MAGEA3: variants seen among roughly 807,000 people sequenced by gnomAD.
MAGEA3 encodes the protein melanoma-associated antigen 3.
For missense variants in MAGEA3, 207 were observed against 239.1 expected (o/e 0.87, Z 0.89); for synonymous variants, 110 against 102.2 (o/e 1.08, Z -0.46).
In MAGEA3 at chrX:152,701,193, C is replaced by T. The variant is rs2124945376; in HGVS notation, c.361C>T (p.Leu121Phe). Residue 121 changes from leucine (L) to phenylalanine (F), a missense_variant, in exon 3 of 3, where the codon CTC becomes TTC. Coordinates refer to ENST00000370278, the MANE Select transcript of MAGEA3 (RefSeq NM_005362.4). The stretch of plus-strand genomic sequence containing the variant: ...GGTGGCCGAGTTGGTTCATTTTCTG[C>T]TCCTCAAGTATCGAGCCAGGGAGCC... ...RKVAELVHFL[L>F]LKYRAREPVT... 1 of 1,209,861 alleles carries T rather than the reference C, an allele frequency of 8.3e-7. No homozygotes were observed. The highest frequency in any genetic ancestry group is 1.1e-6 in the Non-Finnish European group (1 of 894,137).
In MAGEA3 at chrX:152,701,762, A is replaced by G. The variant is rs2124948204; in HGVS notation, c.930A>G (p.Arg310=). ...CACCCCTGCATGAGTGGGTTTTGAG[A>G]GAGGGGGAAGAGTGAGTCTGAGCAC... is the stretch of plus-strand genomic sequence containing the variant. ...SYPPLHEWVL[R]EGEE is the part of the protein sequence containing the mutation. Residue 310 remains arginine (R), a synonymous_variant, in exon 3 of 3, where the codon AGA becomes AGG. Transcript: ENST00000370278. 3 of 1,207,173 alleles carry G rather than the reference A, an allele frequency of 2.5e-6. No homozygotes were observed. Among genetic ancestry groups the G allele is most frequent in the Admixed American group, 4.4e-5 (2 of 45,858 alleles).
Position 152,701,287 on chromosome X carries a change from G to T in MAGEA3, c.455G>T (p.Ser152Ile), listed in dbSNP as rs7056365. 432 of 1,196,623 alleles carry T rather than the reference G, an allele frequency of 3.6e-4. 4 individuals are homozygous for T. In the African/African-American group the frequency reaches 4.7e-3, roughly 13 times the overall value. The change falls in exon 3 of 3, where the codon AGC becomes ATC. Residue 152 changes from serine (S) to isoleucine (I), a missense_variant. Ser to Ile is a moderately radical substitution (Grantham distance 142, BLOSUM62 -2). Transcript: ENST00000370278. Reference protein sequence around the residue: ...NWQYFFPVIFSKASSSLQLVF... With the variant: ...NWQYFFPVIFIKASSSLQLVF... ...CAGTATTTCTTTCCTGTGATCTTCA[G>T]CAAAGCTTCCAGTTCCTTGCAGCTG...
At chrX:152,700,593 C>G (rs2124943309) in intron 1 of MAGEA3, 29 bp from the exon 2 acceptor site, 2 of 617,156 alleles carry the variant, frequency 3.2e-6, no homozygotes, top group African/African-American at 2.4e-5. Flanking sequence ...CGGATGTACC[C>G]TGAGGTGCCC....
rs1406709426 is a variant in MAGEA3, at chrX:152,700,664, G to C, written c.-89G>C. 1.5e-5 allele frequency: 12 copies of C among 811,680 alleles called. No individual in the cohort carries two copies. The East Asian group carries it at 3.7e-4, about 25-fold the overall frequency. The allele number at this position is 811,680 out of a possible 1,213,427, so 66.9% of individuals were successfully genotyped here. On this transcript the variant is annotated 5_prime_UTR_variant, in exon 2 of 3. Coordinates refer to ENST00000370278, the MANE Select transcript of MAGEA3 (RefSeq NM_005362.4). The stretch of plus-strand genomic sequence containing the variant: ...TGACCTGGAGGACCAGAGGCCCCCG[G>C]AGGAGCACTGAAGGAGAAGATCTGT...
chrX:152,701,085 G>A lies in MAGEA3; in HGVS notation c.253G>A (p.Glu85Lys). 4 of 1,206,815 alleles carry A rather than the reference G, an allele frequency of 3.3e-6. No homozygotes were observed. The highest frequency in any genetic ancestry group is 4.5e-6 in the Non-Finnish European group (4 of 893,439). ...MNYPLWSQSY[E>K]DSSNQEEEGP... Reference sequence around the variant, plus strand: ...CTACCCTCTCTGGAGCCAATCCTATGAGGACTCCAGCAACCAAGAAGAGGA... The same window carrying A: ...CTACCCTCTCTGGAGCCAATCCTATAAGGACTCCAGCAACCAAGAAGAGGA... The change falls in exon 3 of 3, where the codon GAG becomes AAG. Residue 85 changes from glutamate to lysine, a missense_variant. Transcript: ENST00000370278.
chrX:152,701,065 C>G lies in MAGEA3; in HGVS notation c.233C>G (p.Pro78Arg), dbSNP rs1221634514. 1 of 1,199,811 alleles carries G rather than the reference C, an allele frequency of 8.3e-7. No individual in the cohort carries two copies. Among genetic ancestry groups the G allele is most frequent in the Non-Finnish European group, 1.1e-6 (1 of 891,452 alleles). The change falls in exon 3 of 3, where the codon CCT becomes CGT. Residue 78 changes from proline (P) to arginine (R), a missense_variant. Transcript: ENST00000370278. Reference protein sequence around the residue: ...ASSLPTTMNYPLWSQSYEDSS... With the variant: ...ASSLPTTMNYRLWSQSYEDSS... The stretch of plus-strand genomic sequence containing the variant: ...AGCCTCCCCACTACCATGAACTACC[C>G]TCTCTGGAGCCAATCCTATGAGGAC...
chrX:152,701,922 A>G lies in MAGEA3; in HGVS notation c.*145A>G. On this transcript the variant is annotated 3_prime_UTR_variant, in exon 3 of 3. Coordinates refer to ENST00000370278, the MANE Select transcript of MAGEA3 (RefSeq NM_005362.4). ...GAAGCGAGCAGTCAGCATTCTTAGTAGTGGGTTTCTGTTCTGTTGGATGAC... is the reference window on the plus strand; with the variant it reads ...GAAGCGAGCAGTCAGCATTCTTAGTGGTGGGTTTCTGTTCTGTTGGATGAC... 1.7e-6 allele frequency: 1 copy of G among 591,389 alleles called. No homozygotes were observed. Among genetic ancestry groups the G allele is most frequent in the Non-Finnish European group, 2.7e-6 (1 of 368,585 alleles). The allele number at this position is 591,389 out of a possible 1,213,427, so 48.7% of individuals were successfully genotyped here. A position where few individuals can be genotyped will look rare whatever the true frequency, so the allele number is the denominator to read the frequency against.
In MAGEA3 at chrX:152,700,640, G is replaced by T. The variant is rs1931708254; in HGVS notation, c.-113G>T. On this transcript the variant is annotated 5_prime_UTR_variant, in exon 2 of 3. Transcript: ENST00000370278. ...CCTTCAGGTTCTGAGGGGACAGGCT[G>T]ACCTGGAGGACCAGAGGCCCCCGGA... 2.2e-4 allele frequency: 173 copies of T among 794,739 alleles called. No individual in the cohort carries two copies. In the South Asian group the frequency reaches 3.3e-3, roughly 15 times the overall value. The allele number at this position is 794,739 out of a possible 1,213,427, so 65.5% of individuals were successfully genotyped here. A position where few individuals can be genotyped will look rare whatever the true frequency, so the allele number is the denominator to read the frequency against.
At chrX:152,700,522 C>T (rs1172601727) in intron 1 of MAGEA3, 100 bp from the exon 2 acceptor site, 2 of 451,175 alleles carry the variant, frequency 4.4e-6, no homozygotes, top group Non-Finnish European at 7.9e-6. Context: ...AACACATGGA[C>T]TCCAGAGCGC....
chrX:152,701,417 C>A lies in MAGEA3; in HGVS notation c.585C>A (p.Ile195=). ...ATGGCCTGCTGGGTGACAATCAGAT[C>A]ATGCCCAAGGCAGGCCTCCTGATAA... ...SYDGLLGDNQ[I]MPKAGLLIIV... is the part of the protein sequence containing the mutation. The change falls in exon 3 of 3, where the codon ATC becomes ATA. Residue 195 remains isoleucine (I), a synonymous_variant. Transcript: ENST00000370278. The A allele has an allele frequency of 8.3e-7, 1 of 1,210,389 alleles. No homozygotes were observed. The highest frequency in any genetic ancestry group is 1.1e-6 in the Non-Finnish European group (1 of 894,572).
Position 152,701,299 on chromosome X carries a change from G to C in MAGEA3, c.467G>C (p.Ser156Thr). ...CCTGTGATCTTCAGCAAAGCTTCCA[G>C]TTCCTTGCAGCTGGTCTTTGGCATC... The part of the protein sequence containing the change: ...FFPVIFSKAS[S>T]SLQLVFGIEL... The change falls in exon 3 of 3, where the codon AGT becomes ACT. Residue 156 changes from serine (S) to threonine (T), a missense_variant. Physicochemically the swap from Ser to Thr is moderately conservative, Grantham distance 58. Transcript: ENST00000370278. 8.3e-7 allele frequency: 1 copy of C among 1,209,066 alleles called. No individual in the cohort carries two copies.
At position 152,701,105 on chromosome X, in the gene MAGEA3, A is replaced by G. The variant is rs1166989401; in HGVS notation, c.273A>G (p.Glu91=). ...CCTATGAGGACTCCAGCAACCAAGA[A>G]GAGGAGGGGCCAAGCACCTTCCCTG... ...SQSYEDSSNQ[E]EEGPSTFPDL... Residue 91 remains glutamate (E), a synonymous_variant, in exon 3 of 3, where the codon GAA becomes GAG. Transcript: ENST00000370278. 4.2e-6 allele frequency: 5 copies of G among 1,204,522 alleles called. No individual in the cohort carries two copies. The highest frequency in any genetic ancestry group is 1.8e-5 in the African/African-American group (1 of 55,969).
At chrX:152,700,009 T>C (rs1931680824) in intron 1 of MAGEA3, among the ~76,000 whole-genome samples, 1 of 109,385 alleles carries the variant, frequency 9.1e-6, no homozygotes, top group Non-Finnish European at 1.9e-5. Flanking sequence ...CAGACCCTAC[T>C]AGGAGTGGAG....
At position 152,701,666 on chromosome X, in the gene MAGEA3, C is replaced by T. The variant is rs1556827091; in HGVS notation, c.834C>T (p.Leu278=). Residue 278 remains leucine (L), a synonymous_variant, in exon 3 of 3, where the codon CTC becomes CTT. Coordinates refer to ENST00000370278, the MANE Select transcript of MAGEA3 (RefSeq NM_005362.4). ...AATTCCTGTGGGGTCCAAGGGCCCT[C>T]GTTGAAACCAGCTATGTGAAAGTCC... The part of the protein sequence containing the change: ...CYEFLWGPRA[L]VETSYVKVLH... The T allele has an allele frequency of 2.5e-6, 3 of 1,210,205 alleles. No individual in the cohort carries two copies. Among genetic ancestry groups the T allele is most frequent in the Admixed American group, 2.2e-5 (1 of 46,011 alleles).
In MAGEA3 at chrX:152,701,507, G is replaced by A; in HGVS notation, c.675G>A (p.Leu225=). The A allele has an allele frequency of 8.3e-7, 1 of 1,210,419 alleles. No homozygotes were observed. The highest frequency in any genetic ancestry group is 3.0e-5 in the East Asian group (1 of 33,786). ...CTGAGGAGAAAATCTGGGAGGAGCT[G>A]AGTGTGTTAGAGGTGTTTGAGGGGA... is the stretch of plus-strand genomic sequence containing the variant. ...CAPEEKIWEE[L]SVLEVFEGRE... Residue 225 remains leucine (L), a synonymous_variant, in exon 3 of 3, where the codon CTG becomes CTA. Coordinates refer to ENST00000370278, the MANE Select transcript of MAGEA3 (RefSeq NM_005362.4).
chrX:152,700,653 A>G lies in MAGEA3; in HGVS notation c.-100A>G. ...AGGGGACAGGCTGACCTGGAGGACC[A>G]GAGGCCCCCGGAGGAGCACTGAAGG... On this transcript the variant is annotated 5_prime_UTR_variant, in exon 2 of 3. Transcript: ENST00000370278. 1 of 842,627 alleles carries G rather than the reference A, an allele frequency of 1.2e-6. No homozygotes were observed. Among genetic ancestry groups the G allele is most frequent in the Non-Finnish European group, 1.8e-6 (1 of 564,637 alleles). 69.4% of individuals were successfully genotyped at this position (842,627 alleles called of 1,213,427 possible). A position where few individuals can be genotyped will look rare whatever the true frequency, so the allele number is the denominator to read the frequency against.
Position 152,701,188 on chromosome X carries a change from T to A in MAGEA3, c.356T>A (p.Phe119Tyr). The change falls in exon 3 of 3, where the codon TTT becomes TAT. Residue 119 changes from phenylalanine to tyrosine, a missense_variant. Transcript: ENST00000370278. ...LSRKVAELVH[F>Y]LLLKYRAREP... is the part of the protein sequence containing the mutation. ...AGGAAGGTGGCCGAGTTGGTTCATT[T>A]TCTGCTCCTCAAGTATCGAGCCAGG... 1.7e-6 allele frequency: 2 copies of A among 1,209,813 alleles called. No homozygotes were observed. The highest frequency in any genetic ancestry group is 2.2e-5 in the Admixed American group (1 of 46,031).
chrX:152,700,660 C>G lies in MAGEA3; in HGVS notation c.-93C>G, dbSNP rs1931709389. 2 of 820,943 alleles carry G rather than the reference C, an allele frequency of 2.4e-6. No individual in the cohort carries two copies. Among genetic ancestry groups the G allele is most frequent in the Non-Finnish European group, 1.8e-6 (1 of 545,727 alleles). 67.7% of individuals were successfully genotyped at this position (820,943 alleles called of 1,213,427 possible). On this transcript the variant is annotated 5_prime_UTR_variant, in exon 2 of 3. Coordinates refer to ENST00000370278, the MANE Select transcript of MAGEA3 (RefSeq NM_005362.4). The stretch of plus-strand genomic sequence containing the variant: ...AGGCTGACCTGGAGGACCAGAGGCC[C>G]CCGGAGGAGCACTGAAGGAGAAGAT...
chrX:152,701,349 G>T lies in MAGEA3; in HGVS notation c.517G>T (p.Gly173Cys). Residue 173 changes from glycine (G) to cysteine (C), a missense_variant, in exon 3 of 3, where the codon GGC becomes TGC. Physicochemically the swap from Gly to Cys is radical, Grantham distance 159. Transcript: ENST00000370278. ...CGAGCTGATGGAAGTGGACCCCATCGGCCACTTGTACATCTTTGCCACCTG... is the reference window on the plus strand; with the variant it reads ...CGAGCTGATGGAAGTGGACCCCATCTGCCACTTGTACATCTTTGCCACCTG... ...GIELMEVDPI[G>C]HLYIFATCLG... The T allele has an allele frequency of 3.3e-6, 4 of 1,210,174 alleles. No homozygotes were observed. The highest frequency in any genetic ancestry group is 4.5e-6 in the Non-Finnish European group (4 of 894,479).
Sources: gnomAD v4.1 joint callset for allele counts (sites outside exome capture counted in the v4.1 genomes callset) on GRCh38, gnomAD v4.1.1 for gene constraint, MANE v1.5 for transcripts, NCBI Gene and HGNC (gene_info 2026-07-23, HGNC 2026-07-21) for gene names.